The following VPS13B variants were observed in gnomAD, a reference collection of about 807,000 sequenced individuals.
VPS13B encodes vacuolar protein sorting 13 homolog B, also known as intermembrane lipid transfer protein VPS13B.
In VPS13B, 285 loss-of-function variants were observed where a neutral mutation model predicts 426.4. The ratio of observed to expected loss-of-function variants is 0.67; its 90% CI spans 0.61 to 0.74. The LOEUF (loss-of-function observed/expected upper bound fraction) is 0.74, where lower values mean the gene tolerates loss of function less well. Ranked by LOEUF, VPS13B falls within the 30% of genes least tolerant of loss-of-function variation. The probability of loss-of-function intolerance (pLI) is 0.00; values close to 1 mark genes in which losing one functional copy is unlikely to be tolerated. For missense variants in VPS13B, 4,537 were observed against 4,782.6 expected, an observed-to-expected ratio of 0.95 and a Z score of 1.51; for synonymous variants, 1,676 against 1,676.4, an observed-to-expected ratio of 1.00 and a Z score of 0.01.
intron 39 of VPS13B, among the ~76,000 whole-genome samples, chr8:99,756,053 T>C (rs1350650548): frequency 6.6e-6 from 1 of 152,112 alleles, no homozygotes; most frequent in Admixed American, 6.5e-5. Flanking sequence ...TGAAATCACC[T>C]GTTTTAAATG....
intron 25 of VPS13B, among the ~76,000 whole-genome samples, chr8:99,493,333 A>G (rs897371534): frequency 3.3e-5 from 5 of 151,986 alleles, no homozygotes; most frequent in African/African-American, 1.2e-4. Context: ...CTCTTGTCCT[A>G]CTCTCTAGAA....
intron 43 of VPS13B, among the ~76,000 whole-genome samples, chr8:99,790,097 A>C (rs1443495732): frequency 1.3e-5 from 2 of 152,128 alleles, no homozygotes. Flanking sequence ...ATCAAGAGTG[A>C]TTATCTTTAT....
chr8:99,764,213 T>C (rs927100895), intron 39 of VPS13B, among the ~76,000 whole-genome samples: 1 of 152,118 alleles, frequency 6.6e-6, no homozygotes, highest in African/African-American at 2.4e-5. Context: ...GTTAGAGTAG[T>C]GTACTAGGTA....
At chr8:99,253,826 G>C (rs1178651530) in intron 17 of VPS13B, among the ~76,000 whole-genome samples, 1 of 152,040 alleles carries the variant, frequency 6.6e-6, no homozygotes. Context: ...TTGTGGGTTA[G>C]TTGAACATTA....
chr8:99,055,704 A>T (rs953113414), intron 3 of VPS13B, among the ~76,000 whole-genome samples: 2 of 152,052 alleles, frequency 1.3e-5, no homozygotes, highest in African/African-American at 2.4e-5. Flanking sequence ...GTGTACAGAT[A>T]CACCACCAAT....
chr8:99,619,087 A>G (rs528065862), intron 33 of VPS13B, among the ~76,000 whole-genome samples: 24 of 152,354 alleles, frequency 1.6e-4, no homozygotes, highest in Non-Finnish European at 3.4e-4. Flanking sequence ...AAGCTACCTT[A>G]TAAGCATGAG....
At chr8:99,641,249 A>G (rs2133930505) in intron 33 of VPS13B, among the ~76,000 whole-genome samples, 1 of 152,332 alleles carries the variant, frequency 6.6e-6, no homozygotes, top group African/African-American at 2.4e-5. Flanking sequence ...AGGAGAAAAT[A>G]AACATCTTTT....
intron 21 of VPS13B, among the ~76,000 whole-genome samples, chr8:99,431,159 G>T (rs993947022): frequency 6.6e-6 from 1 of 152,110 alleles, no homozygotes; most frequent in Non-Finnish European, 1.5e-5. Context: ...TCCAAGAAAA[G>T]ATTTTATTGA....
At chr8:99,294,411 A>G (rs62534568) in intron 19 of VPS13B, among the ~76,000 whole-genome samples, 2 of 134,960 alleles carry the variant, frequency 1.5e-5, no homozygotes, top group South Asian at 5.3e-4. Context: ...GAGGGGGGAG[A>G]GATAGCATTG....
chr8:99,251,552 A>G (rs550536216), intron 17 of VPS13B, among the ~76,000 whole-genome samples: 3 of 152,292 alleles, frequency 2.0e-5, no homozygotes, highest in Admixed American at 2.0e-4. Context: ...GTATTTACAA[A>G]CACAATAACA....
chr8:99,673,058 T>A (rs1830783170), intron 35 of VPS13B, among the ~76,000 whole-genome samples: 1 of 152,116 alleles, frequency 6.6e-6, no homozygotes, highest in Admixed American at 6.6e-5. Context: ...TTTTTACATC[T>A]ATGTTCATCC....
At chr8:99,478,198 A>G (rs1819798520) in intron 24 of VPS13B, among the ~76,000 whole-genome samples, 1 of 151,586 alleles carries the variant, frequency 6.6e-6, no homozygotes, top group Non-Finnish European at 1.5e-5. Flanking sequence ...ATAGGCATTC[A>G]CAGGAACATA....
intron 36 of VPS13B, among the ~76,000 whole-genome samples, chr8:99,705,250 G>A (rs1360987050): frequency 6.6e-6 from 1 of 151,992 alleles, no homozygotes; most frequent in Non-Finnish European, 1.5e-5. Context: ...AGTAGAACAG[G>A]AATTTCTAAA....
chr8:99,848,726 A>G (rs1033295695), intron 54 of VPS13B, 50 bp from the exon 55 acceptor site: 6 of 1,565,246 alleles, frequency 3.8e-6, no homozygotes, highest in African/African-American at 1.4e-5. Flanking sequence ...AGCCACTTCA[A>G]TAGTGTTTCT....
intron 7 of VPS13B, among the ~76,000 whole-genome samples, chr8:99,120,950 C>T (rs1847902448): frequency 1.3e-5 from 2 of 152,134 alleles, no homozygotes; most frequent in Admixed American, 1.3e-4. Flanking sequence ...CTACTTTCCA[C>T]ATCACATTAA....
intron 22 of VPS13B, among the ~76,000 whole-genome samples, chr8:99,438,591 T>C (rs1442875351): frequency 6.6e-6 from 1 of 152,074 alleles, no homozygotes; most frequent in African/African-American, 2.4e-5. Context: ...ATGGAAAAAG[T>C]GTGAAGATTT....
chr8:99,690,350 C>G (rs1831601357), intron 35 of VPS13B, among the ~76,000 whole-genome samples: 1 of 152,110 alleles, frequency 6.6e-6, no homozygotes, highest in African/African-American at 2.4e-5. Flanking sequence ...CTGTAAAACT[C>G]TTAAAAGAAG....
chr8:99,015,915 G>A (rs753209318), intron 2 of VPS13B, among the ~76,000 whole-genome samples: 13 of 152,008 alleles, frequency 8.6e-5, no homozygotes, highest in Admixed American at 2.0e-4. Flanking sequence ...GCAGGGGAAC[G>A]TACTCCCCAC....
At chr8:99,832,794 T>A in intron 52 of VPS13B, 142 bp downstream of exon 52, 1 of 849,726 alleles carries the variant, frequency 1.2e-6, no homozygotes, top group Non-Finnish European at 1.8e-6. Flanking sequence ...AGACATTGTA[T>A]ACAGTGGGTC....
Sources: allele counts gnomAD v4.1 joint callset (sites outside exome capture counted in the v4.1 genomes callset), GRCh38; gene constraint gnomAD v4.1.1; transcripts MANE v1.5; gene names NCBI Gene and HGNC (gene_info 2026-07-23, HGNC 2026-07-21).